TBC1D22A: variants seen among roughly 807,000 people sequenced by gnomAD.
TBC1D22A encodes TBC1 domain family member 22A.
TBC1D22A carries 38 observed loss-of-function variants against 60.2 expected under a neutral mutation model. The ratio of observed to expected loss-of-function variants is 0.63; its 90% CI spans 0.49 to 0.83. TBC1D22A has a LOEUF of 0.83. TBC1D22A is among the 40% of genes least tolerant of loss of function. The probability of loss-of-function intolerance (pLI) is 0.00; values close to 1 mark genes in which losing one functional copy is unlikely to be tolerated. For missense variants in TBC1D22A, 628 were observed against 701.0 expected, an observed-to-expected ratio of 0.90 and a Z score of 1.18; for synonymous variants, 302 against 281.7, an observed-to-expected ratio of 1.07 and a Z score of -0.72.
At chr22:46,804,392 A>G (rs964676127) in intron 4 of TBC1D22A, among the ~76,000 whole-genome samples, 1 of 152,268 alleles carries the variant, frequency 6.6e-6, no homozygotes, top group African/African-American at 2.4e-5. Flanking sequence ...CACATGCTGT[A>G]TTAACTAGAG....
chr22:46,982,890 C>T (rs892959455), intron 9 of TBC1D22A, among the ~76,000 whole-genome samples: 3 of 152,120 alleles, frequency 2.0e-5, no homozygotes, highest in Non-Finnish European at 4.4e-5. Context: ...CGCCCTCCTG[C>T]CTCATTAGGG....
At chr22:46,958,255 A>G (rs1451838688) in intron 8 of TBC1D22A, among the ~76,000 whole-genome samples, 1 of 152,184 alleles carries the variant, frequency 6.6e-6, no homozygotes, top group Non-Finnish European at 1.5e-5. Flanking sequence ...AGGTCCATTC[A>G]GTCCTCTATT....
At chr22:46,807,736 A>G (rs1305112114) in intron 4 of TBC1D22A, among the ~76,000 whole-genome samples, 1 of 152,204 alleles carries the variant, frequency 6.6e-6, no homozygotes, top group East Asian at 1.9e-4. Flanking sequence ...CAATCACTTG[A>G]TTTAATCCAG....
At chr22:47,060,174 C>T (rs1042729198) in intron 11 of TBC1D22A, among the ~76,000 whole-genome samples, 6 of 151,708 alleles carry the variant, frequency 4.0e-5, no homozygotes, top group African/African-American at 1.2e-4. Flanking sequence ...CAGTGCTCTG[C>T]GTACTTCCAG....
intron 7 of TBC1D22A, among the ~76,000 whole-genome samples, chr22:46,904,142 T>TCTACCTACCTACCTACCTAC (rs11268390): frequency 1.3e-4 from 17 of 134,572 alleles, no homozygotes; most frequent in African/African-American, 4.1e-4. Flanking sequence ...TATCTATCTA[T>TCTACCTACCTACCTACCTAC]CTACCTACCT....
intron 12 of TBC1D22A, among the ~76,000 whole-genome samples, chr22:47,139,378 T>G (rs1480051286): frequency 1.3e-5 from 2 of 152,192 alleles, no homozygotes; most frequent in African/African-American, 4.8e-5. Flanking sequence ...TTAGCAGGTG[T>G]GCACCTCGAG....
chr22:47,132,596 G>A (rs565135257), intron 12 of TBC1D22A, among the ~76,000 whole-genome samples: 2 of 152,328 alleles, frequency 1.3e-5, no homozygotes, highest in Non-Finnish European at 2.9e-5. Context: ...CCTTGCCTGG[G>A]TCCTGCTTCT....
intron 8 of TBC1D22A, among the ~76,000 whole-genome samples, chr22:46,961,553 G>C (rs2073506027): frequency 6.6e-6 from 1 of 152,222 alleles, no homozygotes; most frequent in Non-Finnish European, 1.5e-5. Flanking sequence ...GAAGTTTCCA[G>C]ATTTCCGTAT....
At chr22:47,059,978 C>T (rs1036960415) in intron 11 of TBC1D22A, among the ~76,000 whole-genome samples, 9 of 152,252 alleles carry the variant, frequency 5.9e-5, no homozygotes, top group East Asian at 3.9e-4. Flanking sequence ...GTCGCACAGC[C>T]GCCCGATCTG....
At chr22:47,053,193 G>GCCCAGGGCCTCACTGCTTCCTGCA (rs1569394274) in intron 11 of TBC1D22A, among the ~76,000 whole-genome samples, 3 of 151,540 alleles carry the variant, frequency 2.0e-5, no homozygotes, top group African/African-American at 4.8e-5. Context: ...TGCTTCCTGC[G>GCCCAGGGCCTCACTGCTTCCTGCA]TGTCCCCTCC....
chr22:46,878,512 C>G (rs2067684746), intron 4 of TBC1D22A, 141 bp from the exon 5 acceptor site: 1 of 708,242 alleles, frequency 1.4e-6, no homozygotes, highest in Non-Finnish European at 2.5e-6. Context: ...TCAATCGTAT[C>G]TGAAATGTTG....
intron 12 of TBC1D22A, among the ~76,000 whole-genome samples, chr22:47,142,104 G>T (rs1192108902): frequency 2.0e-5 from 3 of 152,148 alleles, no homozygotes; most frequent in East Asian, 3.9e-4. Context: ...CATAGGACTA[G>T]CTCCCTCCAG....
At chr22:47,068,508 A>G (rs985922242) in intron 11 of TBC1D22A, among the ~76,000 whole-genome samples, 3 of 152,246 alleles carry the variant, frequency 2.0e-5, no homozygotes, top group African/African-American at 7.2e-5. Context: ...TGCTTTTCAT[A>G]TAAGTTCTTT....
chr22:46,985,129 A>G (rs1442728729), intron 9 of TBC1D22A, among the ~76,000 whole-genome samples: 1 of 152,180 alleles, frequency 6.6e-6, no homozygotes, highest in Non-Finnish European at 1.5e-5. Context: ...ATAACAAAGG[A>G]AGGACTGGTC....
chr22:46,865,102 T>C lies in TBC1D22A; in HGVS notation c.638-13551T>C, dbSNP rs150148122. Among the ~76,000 whole-genome samples, 1,243 of 152,306 alleles carry C rather than the reference T, an allele frequency of 8.2e-3. 2 individuals carry two copies. The highest frequency in any genetic ancestry group is 0.013 in the Non-Finnish European group (854 of 68,016). On this transcript the variant is annotated intron_variant, in intron 4 of 12. Transcript: ENST00000337137. ...CCTAACATCCATCTCCCAACCTCCATTGGCTCCTCAGCACCTGTGTGTATA... is the reference window on the plus strand; with the variant it reads ...CCTAACATCCATCTCCCAACCTCCACTGGCTCCTCAGCACCTGTGTGTATA...
At chr22:47,162,831 G>A (rs148206198) in intron 12 of TBC1D22A, among the ~76,000 whole-genome samples, 1,854 of 134,998 alleles carry the variant, frequency 0.014, 106 homozygotes, top group African/African-American at 0.051. Flanking sequence ...AGGGAGAGTC[G>A]GGGGAGTGGG....
chr22:46,983,181 C>T (rs2074582564), intron 9 of TBC1D22A, among the ~76,000 whole-genome samples: 1 of 152,140 alleles, frequency 6.6e-6, no homozygotes. Context: ...CACGGCAGAC[C>T]ATCTGGTCAG....
intron 8 of TBC1D22A, among the ~76,000 whole-genome samples, chr22:46,944,611 G>C (rs2072407002): frequency 6.6e-6 from 1 of 152,194 alleles, no homozygotes. Context: ...TGTTAGCCAG[G>C]ATGGTCTTGA....
At chr22:47,027,821 C>A (rs576713634) in intron 10 of TBC1D22A, among the ~76,000 whole-genome samples, 2 of 152,194 alleles carry the variant, frequency 1.3e-5, no homozygotes, top group Non-Finnish European at 2.9e-5. Flanking sequence ...ACTGGGCGAG[C>A]CTTCCAGAAG....
Sources: allele counts gnomAD v4.1 joint callset (sites outside exome capture counted in the v4.1 genomes callset), GRCh38; gene constraint gnomAD v4.1.1; transcripts MANE v1.5; gene names NCBI Gene and HGNC (gene_info 2026-07-23, HGNC 2026-07-21).